The following VAMP4 variants were observed in gnomAD, a reference collection of about 807,000 sequenced individuals.
VAMP4 encodes vesicle-associated membrane protein 4.
In VAMP4, 19 loss-of-function variants were observed where a neutral mutation model predicts 23.5. The observed-to-expected ratio is 0.81, with a 90% CI of 0.56 to 1.19. The LOEUF (loss-of-function observed/expected upper bound fraction) is 1.19. VAMP4 is among the 50% of genes most tolerant of loss of function. VAMP4 has a pLI of 0.00. For missense variants in VAMP4, 145 were observed against 168.6 expected (o/e 0.86, Z 0.78); for synonymous variants, 31 against 51.0 (o/e 0.61, Z 1.67).
intron 4 of VAMP4, among the ~76,000 whole-genome samples, chr1:171,717,179 A>G (rs561306786): frequency 2.0e-4 from 31 of 152,326 alleles, no homozygotes; most frequent in African/African-American, 6.5e-4. Flanking sequence ...GATATCAGAC[A>G]GGAAACAGAG....
At chr1:171,718,898 C>G (rs989770441) in intron 4 of VAMP4, among the ~76,000 whole-genome samples, 2 of 152,234 alleles carry the variant, frequency 1.3e-5, no homozygotes, top group African/African-American at 4.8e-5. Flanking sequence ...CAGGGGTCAA[C>G]AACTTTTTCT....
At chr1:171,719,130 C>T in intron 4 of VAMP4, 41 bp downstream of exon 4, 2 of 1,586,742 alleles carry the variant, frequency 1.3e-6, no homozygotes, top group Non-Finnish European at 1.7e-6. Flanking sequence ...CTAGTCTACA[C>T]AGAAATATGA....
chr1:171,715,981 A>G (rs111329723), intron 4 of VAMP4, among the ~76,000 whole-genome samples: 61 of 152,330 alleles, frequency 4.0e-4, no homozygotes, highest in African/African-American at 1.3e-3. Flanking sequence ...AGCCTGGGTG[A>G]TGGAGCAAAA....
chr1:171,729,630 G>T (rs1490114633), intron 2 of VAMP4, among the ~76,000 whole-genome samples: 1 of 152,184 alleles, frequency 6.6e-6, no homozygotes, highest in Non-Finnish European at 1.5e-5. Flanking sequence ...GCTCCCCAAA[G>T]ATGTTCATTT....
At chr1:171,722,203 T>G (rs1363692452) in intron 3 of VAMP4, among the ~76,000 whole-genome samples, 1 of 152,152 alleles carries the variant, frequency 6.6e-6, no homozygotes, top group African/African-American at 2.4e-5. Context: ...GCTAGCCATA[T>G]GTAGAAAGCT....
chr1:171,706,164 C>T (rs940278355), intron 7 of VAMP4, among the ~76,000 whole-genome samples: 1 of 151,996 alleles, frequency 6.6e-6, no homozygotes, highest in African/African-American at 2.4e-5. Flanking sequence ...TAAAAATGTA[C>T]ATATACATAT....
Position 171,704,418 on chromosome 1 carries a change from G to C in VAMP4, c.*88C>G, listed in dbSNP as rs1476169494. ...GTTTCTTGAAAAAGAAGTTTTGAAA[G>C]TTATATACACATAGGTTTCATTTAA... is the stretch of plus-strand genomic sequence containing the variant. On this transcript the variant is annotated 3_prime_UTR_variant, in exon 8 of 8. Coordinates refer to ENST00000236192, the MANE Select transcript of VAMP4 (RefSeq NM_003762.5). The C allele has an allele frequency of 1.7e-6, 2 of 1,201,934 alleles. No individual in the cohort carries two copies. The highest frequency in any genetic ancestry group is 1.1e-6 in the Non-Finnish European group (1 of 888,598). The allele number at this position is 1,201,934 out of a possible 1,614,324, so 74.5% of individuals were successfully genotyped here.
chr1:171,728,126 A>G (rs542918670), intron 3 of VAMP4, among the ~76,000 whole-genome samples: 42 of 152,308 alleles, frequency 2.8e-4, no homozygotes, highest in Non-Finnish European at 5.4e-4. Context: ...ACAATTCATA[A>G]GTTTTAAATT....
At chr1:171,731,265 G>A (rs552291652) in intron 2 of VAMP4, among the ~76,000 whole-genome samples, 6 of 152,240 alleles carry the variant, frequency 3.9e-5, no homozygotes, top group African/African-American at 1.4e-4. Context: ...GGGGCCTGTT[G>A]TGGGGTGGGG....
At chr1:171,724,880 T>C (rs776660908) in intron 3 of VAMP4, among the ~76,000 whole-genome samples, 76 of 152,274 alleles carry the variant, frequency 5.0e-4, no homozygotes, top group Non-Finnish European at 9.7e-4. Context: ...GAAAGACACA[T>C]AGAGTCCAGA....
chr1:171,723,659 C>T (rs1271579201), intron 3 of VAMP4, among the ~76,000 whole-genome samples: 7 of 152,130 alleles, frequency 4.6e-5, no homozygotes, highest in Admixed American at 2.6e-4. Flanking sequence ...TGTTTAAACA[C>T]ACATGCTTTA....
rs191937391 is a variant in VAMP4 at position 171,739,694 on chromosome 1, G to A, written c.-49-1231C>T. On this transcript the variant is annotated intron_variant, in intron 1 of 7. Transcript: ENST00000236192. ...GAATTGAATTAGAGGACACCCAGCTGGAGAATCTGCTGCAGAATTTCCTCC... is the reference window on the plus strand; with the variant it reads ...GAATTGAATTAGAGGACACCCAGCTAGAGAATCTGCTGCAGAATTTCCTCC... Among the ~76,000 whole-genome samples, 218 of 152,314 alleles carry A rather than the reference G, an allele frequency of 1.4e-3. 7 individuals are homozygous for A. Among genetic ancestry groups the A allele is most frequent in the Admixed American group, 0.012 (188 of 15,294 alleles).
chr1:171,741,813 G>C (rs1313376423), intron 1 of VAMP4, 97 bp downstream of exon 1: 1 of 152,138 alleles, frequency 6.6e-6, no homozygotes, highest in Non-Finnish European at 1.5e-5. Flanking sequence ...CGACCAGCCC[G>C]ACTAGGACGT....
At chr1:171,735,463 G>C (rs1309707716) in intron 2 of VAMP4, among the ~76,000 whole-genome samples, 1 of 152,128 alleles carries the variant, frequency 6.6e-6, no homozygotes, top group Non-Finnish European at 1.5e-5. Flanking sequence ...CCATACTTCA[G>C]TCTTCATCTT....
chr1:171,724,065 A>G (rs1655283504), intron 3 of VAMP4, among the ~76,000 whole-genome samples: 1 of 152,148 alleles, frequency 6.6e-6, no homozygotes, highest in Non-Finnish European at 1.5e-5. Flanking sequence ...AAAGACTTGG[A>G]ACCAACCCAA....
At chr1:171,721,978 G>C (rs1407852798) in intron 3 of VAMP4, among the ~76,000 whole-genome samples, 1 of 152,178 alleles carries the variant, frequency 6.6e-6, no homozygotes, top group Non-Finnish European at 1.5e-5. Flanking sequence ...CAAAGTTGGA[G>C]GCGTCACGCT....
chr1:171,724,061 T>C, intron 3 of VAMP4, among the ~76,000 whole-genome samples: 1 of 152,024 alleles, frequency 6.6e-6, no homozygotes, highest in Non-Finnish European at 1.5e-5. Flanking sequence ...TAGCAAAGAC[T>C]TGGAACCAAC....
rs1490975865 is a variant in VAMP4, at chr1:171,709,672, C to G, written c.338G>C (p.Gly113Ala). 1 of 1,612,040 alleles carries G rather than the reference C, an allele frequency of 6.2e-7. No homozygotes were observed. The highest frequency in any genetic ancestry group is 1.1e-5 in the South Asian group (1 of 91,050). Residue 113 changes from glycine (G) to alanine (A), a missense_variant, in exon 6 of 8, where the codon GGA becomes GCA. Transcript: ENST00000236192. ...AGCTTCTGATTTACTTACTTTGCAT[C>G]CACGCCACCACATTTGCCTTCGAAG... ...KQLRRQMWWR[G>A]CKIKAIMALV...
intron 3 of VAMP4, among the ~76,000 whole-genome samples, chr1:171,720,712 C>T (rs190534570): frequency 1.3e-5 from 2 of 152,098 alleles, no homozygotes; most frequent in East Asian, 1.9e-4. Context: ...GTTCAGTTGT[C>T]AATTCTACCA....
Sources: gnomAD v4.1 joint callset for allele counts (sites outside exome capture counted in the v4.1 genomes callset) on GRCh38, gnomAD v4.1.1 for gene constraint, MANE v1.5 for transcripts, NCBI Gene and HGNC (gene_info 2026-07-23, HGNC 2026-07-21) for gene names.